The following PKD1L3 variants were observed in gnomAD, a reference collection of about 807,000 sequenced individuals.
PKD1L3 encodes polycystin-1-like protein 3.
PKD1L3 carries 239 observed loss-of-function variants against 184.1 expected under a neutral mutation model. The ratio of observed to expected loss-of-function variants is 1.30; its 90% CI spans 1.17 to 1.45. PKD1L3 has a LOEUF of 1.45. PKD1L3 is among the 40% of genes most tolerant of loss of function. The pLI is 0.00. For missense variants in PKD1L3, 2,660 were observed against 2,067.2 expected (o/e 1.29, Z -5.56); for synonymous variants, 996 against 778.8 (o/e 1.28, Z -4.64).
chr16:71,986,794 T>C (rs918531884), intron 4 of PKD1L3, among the ~76,000 whole-genome samples: 1 of 152,122 alleles, frequency 6.6e-6, no homozygotes, highest in African/African-American at 2.4e-5. Flanking sequence ...AGCCCCTGTG[T>C]TAGTGGTAGA....
intron 28 of PKD1L3, among the ~76,000 whole-genome samples, chr16:71,932,952 A>C (rs1266817668): frequency 6.6e-6 from 1 of 151,284 alleles, no homozygotes; most frequent in East Asian, 2.0e-4. Flanking sequence ...ACACCTGGCT[A>C]ATTTTTATTT....
At position 71,986,247 on chromosome 16, in the gene PKD1L3, C is replaced by T; in HGVS notation, c.808G>A (p.Val270Met). Residue 270 changes from valine to methionine, a missense_variant, in exon 5 of 30, where the codon GTG becomes ATG. Physicochemically the swap from Val to Met is conservative, Grantham distance 21. Coordinates refer to ENST00000620267, the MANE Select transcript of PKD1L3 (RefSeq NM_181536.2). ...HPNTFTSYLQ[V>M]SLQKASGQVI... is the part of the protein sequence containing the mutation. ...TGACCAGATGCCTTCTGCAATGACA[C>T]TTGTAGATAAGAGGTGAAGGTATTC... 6.4e-7 allele frequency: 1 copy of T among 1,552,362 alleles called. No homozygotes were observed.
chr16:71,949,969 G>A lies in PKD1L3; in HGVS notation c.3432C>T (p.Pro1144=), dbSNP rs1315010129. 8 of 1,551,608 alleles carry A rather than the reference G, an allele frequency of 5.2e-6. No homozygotes were observed. Among genetic ancestry groups the A allele is most frequent in the Non-Finnish European group, 7.0e-6 (8 of 1,146,990 alleles). ...AILSSEEGKK[P]ISNGLSKWLT... ...ACCATTTGGACAGGCCATTTGAGAT[G>A]GGCTTTTTTCCTTCTTCTGAGCTCA... Residue 1144 remains proline (P), a synonymous_variant, in exon 21 of 30, where the codon CCC becomes CCT. Transcript: ENST00000620267.
Position 71,944,122 on chromosome 16 carries a change from A to T in PKD1L3, c.3767T>A (p.Val1256Asp). The T allele has an allele frequency of 6.4e-7, 1 of 1,551,550 alleles. No homozygotes were observed. Among genetic ancestry groups the T allele is most frequent in the Non-Finnish European group, 8.7e-7 (1 of 1,146,682 alleles). ...ACTATTTATAGCTGGGGCTACATAGACGGGGTTGTTCTTATCTCTTGAACC... is the reference window on the plus strand; with the variant it reads ...ACTATTTATAGCTGGGGCTACATAGTCGGGGTTGTTCTTATCTCTTGAACC... ...VPGSRDKNNP[V>D]YVAPAINSPT... The change falls in exon 23 of 30, where the codon GTC becomes GAC. Residue 1256 changes from valine to aspartate, a missense_variant. By Grantham distance (152) the Val-to-Asp change is radical. Transcript: ENST00000620267.
intron 5 of PKD1L3, 58 bp from the exon 6 acceptor site, chr16:71,984,225 G>C (rs2040275051): frequency 2.0e-6 from 3 of 1,494,048 alleles, no homozygotes; most frequent in Middle Eastern, 1.8e-4. Context: ...TACTGTAGTA[G>C]TCAGGGAGAT....
chr16:71,994,992 A>T (rs1373150750), intron 2 of PKD1L3, among the ~76,000 whole-genome samples: 1 of 150,302 alleles, frequency 6.7e-6, no homozygotes, highest in African/African-American at 2.5e-5. Flanking sequence ...CCATCTCAAG[A>T]AAAAAAAACA....
chr16:71,946,108 A>G (rs1597296789), intron 22 of PKD1L3, among the ~76,000 whole-genome samples: 1 of 152,100 alleles, frequency 6.6e-6, no homozygotes, highest in Admixed American at 6.6e-5. Context: ...ACAGGCATGC[A>G]CCACCACACC....
rs768057777 is a variant in PKD1L3 at position 71,950,318 on chromosome 16, T to A, written c.3191-8A>T. 6.6e-7 allele frequency: 1 copy of A among 1,511,214 alleles called. No individual in the cohort carries two copies. Among genetic ancestry groups the A allele is most frequent in the South Asian group, 1.2e-5 (1 of 80,678 alleles). The allele number at this position is 1,511,214 out of a possible 1,614,324, so 93.6% of individuals were successfully genotyped here. On this transcript the variant is annotated splice_polypyrimidine_tract_variant and splice_region_variant and intron_variant, in intron 19 of 29. Transcript: ENST00000620267. Reference sequence around the variant, plus strand: ...GGTGGTTTTCAGGAACAACTGAAAATATATTTCAAGTTGACACTTTCACAA... The same window carrying A: ...GGTGGTTTTCAGGAACAACTGAAAAAATATTTCAAGTTGACACTTTCACAA...
intron 24 of PKD1L3, among the ~76,000 whole-genome samples, chr16:71,939,230 T>C (rs1447415916): frequency 6.6e-6 from 1 of 152,232 alleles, no homozygotes; most frequent in Non-Finnish European, 1.5e-5. Context: ...CCAGCGTGCC[T>C]GGCTGTGTGC....
At chr16:71,991,261 C>T (rs2040580187) in intron 3 of PKD1L3, 1 of 230,976 alleles carries the variant, frequency 4.3e-6, no homozygotes, top group Admixed American at 4.1e-5. Context: ...GCTTTTATTT[C>T]TTGGCCAGGA....
chr16:71,987,664 T>C lies in PKD1L3; in HGVS notation c.586-1195A>G, dbSNP rs181611449. 2.6e-3 allele frequency among the ~76,000 whole-genome samples: 398 copies of C among 152,158 alleles called. 7 individuals are homozygous for C. The highest frequency in any genetic ancestry group is 9.4e-3 in the African/African-American group (390 of 41,538). On this transcript the variant is annotated intron_variant, in intron 4 of 29. Transcript: ENST00000620267. ...TGCTGGGATTACAGGTGTGAGCCAC[T>C]GCACCCGGCCTTTTTTCACTTTTTT...
intron 6 of PKD1L3, among the ~76,000 whole-genome samples, chr16:71,982,830 G>A (rs937193359): frequency 3.2e-4 from 49 of 152,076 alleles, no homozygotes; most frequent in African/African-American, 1.1e-3. Context: ...CTGGCCCCAA[G>A]AGATCCTCCT....
chr16:71,956,773 G>A (rs978240681), intron 16 of PKD1L3, among the ~76,000 whole-genome samples: 1 of 152,136 alleles, frequency 6.6e-6, no homozygotes, highest in African/African-American at 2.4e-5. Context: ...TACTACTACT[G>A]CACTACACAC....
At position 71,986,264 on chromosome 16, in the gene PKD1L3, A is replaced by C. The variant is rs2040356806; in HGVS notation, c.791T>G (p.Phe264Cys). Residue 264 changes from phenylalanine (F) to cysteine (C), a missense_variant, in exon 5 of 30, where the codon TTC (phenylalanine) becomes TGC (cysteine). By Grantham distance (205) the Phe-to-Cys change is radical. Transcript: ENST00000620267. Reference sequence around the variant, plus strand: ...CAATGACACTTGTAGATAAGAGGTGAAGGTATTCGGATGACCTTCTTCCTT... The same window carrying C: ...CAATGACACTTGTAGATAAGAGGTGCAGGTATTCGGATGACCTTCTTCCTT... ...SPKEEGHPNTFTSYLQVSLQK... is the reference protein window; with the variant it reads ...SPKEEGHPNTCTSYLQVSLQK... The C allele has an allele frequency of 6.4e-7, 1 of 1,552,278 alleles. No homozygotes were observed. Among genetic ancestry groups the C allele is most frequent in the African/African-American group, 1.4e-5 (1 of 73,148 alleles).
intron 16 of PKD1L3, among the ~76,000 whole-genome samples, chr16:71,960,980 G>A (rs2039255970): frequency 6.6e-6 from 1 of 152,008 alleles, no homozygotes; most frequent in African/African-American, 2.4e-5. Flanking sequence ...GTGAAGGAGA[G>A]AAAATTTCTA....
At chr16:71,956,411 T>A (rs1478734896) in intron 16 of PKD1L3, among the ~76,000 whole-genome samples, 1 of 151,760 alleles carries the variant, frequency 6.6e-6, no homozygotes, top group African/African-American at 2.4e-5. Flanking sequence ...CCAAGCTATC[T>A]CAAACTCCGG....
At chr16:71,947,852 C>A (rs1057219391) in intron 21 of PKD1L3, among the ~76,000 whole-genome samples, 1 of 151,674 alleles carries the variant, frequency 6.6e-6, no homozygotes, top group Non-Finnish European at 1.5e-5. Flanking sequence ...CACTGTCAAA[C>A]GATTTGTGTT....
chr16:71,993,433 A>G (rs1426903764), intron 2 of PKD1L3, 101 bp from the exon 3 acceptor site: 1 of 741,816 alleles, frequency 1.3e-6, no homozygotes, highest in Admixed American at 3.4e-5. Context: ...TCAGGAAAAC[A>G]CAAATTAAAA....
intron 11 of PKD1L3, among the ~76,000 whole-genome samples, chr16:71,975,602 A>T (rs2039888635): frequency 6.6e-6 from 1 of 152,212 alleles, no homozygotes; most frequent in African/African-American, 2.4e-5. Flanking sequence ...GGGTCTCAAC[A>T]TGTTATTATG....
Sources: gnomAD v4.1 joint callset for allele counts (sites outside exome capture counted in the v4.1 genomes callset) on GRCh38, gnomAD v4.1.1 for gene constraint, MANE v1.5 for transcripts, NCBI Gene and HGNC (gene_info 2026-07-23, HGNC 2026-07-21) for gene names.